Variants in TMEM9 observed in about 807,000 individuals in gnomAD.
TMEM9 encodes transmembrane protein 9.
A neutral mutation model predicts 22.8 loss-of-function variants in TMEM9; 13 were observed. That is an observed-to-expected ratio of 0.57 (90% CI 0.37 to 0.91). TMEM9 has a LOEUF of 0.91. Ranked by LOEUF, TMEM9 falls within the 40% of genes least tolerant of loss-of-function variation. TMEM9 has a pLI of 0.01. For synonymous variants in TMEM9, 88 were observed against 93.0 expected (o/e 0.95, Z 0.31); for missense variants, 182 against 238.1 (o/e 0.76, Z 1.55).
chr1:201,150,600 G>C (rs12065294), intron 2 of TMEM9, among the ~76,000 whole-genome samples: 1 of 152,130 alleles, frequency 6.6e-6, no homozygotes, highest in Non-Finnish European at 1.5e-5. Flanking sequence ...CAGGAAGGTG[G>C]AACACAGAGT....
upstream of TMEM9, among the ~76,000 whole-genome samples, chr1:201,154,899 T>C (rs1665734987): frequency 1.3e-5 from 2 of 152,110 alleles, no homozygotes; most frequent in African/African-American, 2.4e-5. Context: ...CGCGGCAACG[T>C]CTCTACCCCT....
intron 1 of TMEM9, among the ~76,000 whole-genome samples, chr1:201,169,972 C>T (rs780375117): frequency 6.6e-6 from 1 of 152,152 alleles, no homozygotes; most frequent in Non-Finnish European, 1.5e-5. Flanking sequence ...TCAGCTGTGA[C>T]TCCTGCAGTT....
intron 4 of TMEM9, among the ~76,000 whole-genome samples, chr1:201,136,636 A>C (rs548538440): frequency 6.6e-6 from 1 of 152,180 alleles, no homozygotes; most frequent in African/African-American, 2.4e-5. Context: ...CTTTGCTTTC[A>C]GAACTGTTGC....
At chr1:201,136,144 G>A (rs1385223761) in intron 4 of TMEM9, among the ~76,000 whole-genome samples, 1 of 152,186 alleles carries the variant, frequency 6.6e-6, no homozygotes, top group Non-Finnish European at 1.5e-5. Context: ...CTCAAGGGAG[G>A]TTCCCAGCCT....
chr1:201,142,693 AAC>A (rs1442604622), intron 4 of TMEM9, among the ~76,000 whole-genome samples: 1 of 152,226 alleles, frequency 6.6e-6, no homozygotes, highest in Non-Finnish European at 1.5e-5. Flanking sequence ...TCAGTCAATA[AAC>A]AGGAGTATCT....
At position 201,153,873 on chromosome 1, in the gene TMEM9, T is replaced by C. The variant is rs764532125; in HGVS notation, c.51A>G (p.Pro17=). Reference sequence around the variant, plus strand: ...CCTCCCTCACCTTGTTGGCTTCAGCTGGGGGCACCAGCAAACACCCGACCA... The same window carrying C: ...CCTCCCTCACCTTGTTGGCTTCAGCCGGGGGCACCAGCAAACACCCGACCA... ...VAVVGCLLVP[P]AEANKSSEDI... is the part of the protein sequence containing the mutation. Residue 17 remains proline, a synonymous_variant, in exon 1 of 5, where the codon CCA becomes CCG. Transcript: ENST00000367330. 1.9e-6 allele frequency: 3 copies of C among 1,613,990 alleles called. No homozygotes were observed. The highest frequency in any genetic ancestry group is 1.7e-6 in the Non-Finnish European group (2 of 1,180,006).
chr1:201,135,530 A>T lies in TMEM9; in HGVS notation c.*133T>A. 1.1e-6 allele frequency: 1 copy of T among 903,130 alleles called. No homozygotes were observed. Among genetic ancestry groups the T allele is most frequent in the Non-Finnish European group, 1.6e-6 (1 of 623,640 alleles). The allele number at this position is 903,130 out of a possible 1,614,324, so 55.9% of individuals were successfully genotyped here. ...GTACAACATTTCTAAAGTTAGGGAG[A>T]AGGAGGAAAAATGCCACAGGCTTTT... On this transcript the variant is annotated 3_prime_UTR_variant, in exon 5 of 5. Coordinates refer to ENST00000367330, the MANE Select transcript of TMEM9 (RefSeq NM_001288565.2).
exon 1 of TMEM9, chr1:201,171,499 C>G (rs1478143502): frequency 1.3e-5 from 2 of 152,216 alleles, no homozygotes; most frequent in Admixed American, 6.5e-5. Context: ...CCTCACATTG[C>G]AGTCATAGAG....
At chr1:201,169,941 G>C (rs888622864) in intron 1 of TMEM9, among the ~76,000 whole-genome samples, 6 of 152,102 alleles carry the variant, frequency 3.9e-5, no homozygotes, top group African/African-American at 1.4e-4. Flanking sequence ...GAAGCTAGGT[G>C]GTGTTACATA....
upstream of TMEM9, chr1:201,154,562 C>T (rs1219539166): frequency 6.6e-6 from 1 of 152,328 alleles, no homozygotes; most frequent in Non-Finnish European, 1.5e-5. Context: ...CAAGACCCGC[C>T]TTCACCTGGG....
At chr1:201,146,870 C>G in intron 2 of TMEM9, 22 bp from the exon 3 acceptor site, 2 of 1,611,060 alleles carry the variant, frequency 1.2e-6, no homozygotes, top group Non-Finnish European at 1.7e-6. Context: ...AGAGACAGGG[C>G]TGTCGAGGCA....
At chr1:201,163,592 A>AAAATAGAAGT in intron 1 of TMEM9, among the ~76,000 whole-genome samples, 1 of 152,326 alleles carries the variant, frequency 6.6e-6, no homozygotes, top group South Asian at 2.1e-4. Context: ...TACGTCTCAA[A>AAAATAGAAGT]AAATAGAAGT....
At chr1:201,136,127 C>A (rs1663962352) in intron 4 of TMEM9, among the ~76,000 whole-genome samples, 1 of 152,210 alleles carries the variant, frequency 6.6e-6, no homozygotes, top group African/African-American at 2.4e-5. Flanking sequence ...TACTGCCACA[C>A]AGCTAGCTCA....
chr1:201,144,065 T>G, intron 3 of TMEM9, 114 bp from the exon 4 acceptor site: 1 of 1,242,976 alleles, frequency 8.0e-7, no homozygotes, highest in Non-Finnish European at 1.1e-6. Flanking sequence ...AGTGGTGCAC[T>G]AAGAAAGGAC....
rs373182817 is a variant in TMEM9, at chr1:201,151,755, C to T, written c.158+6G>A. 38 of 1,611,578 alleles carry T rather than the reference C, an allele frequency of 2.4e-5. No individual in the cohort carries two copies. The Middle Eastern group carries it at 1.0e-3, about 43-fold the overall frequency. On this transcript the variant is annotated splice_donor_region_variant and intron_variant, in intron 2 of 4. Transcript: ENST00000367330. Reference sequence around the variant, plus strand: ...AGCAGCCAGGGGCCTGCGTGTAATGCCTTACCAGTCCTTCTGGGATACATT... The same window carrying T: ...AGCAGCCAGGGGCCTGCGTGTAATGTCTTACCAGTCCTTCTGGGATACATT...
chr1:201,160,732 C>T (rs1289808954), intron 1 of TMEM9, among the ~76,000 whole-genome samples: 2 of 151,842 alleles, frequency 1.3e-5, no homozygotes, highest in Admixed American at 6.6e-5. Context: ...GTCAGGAGAT[C>T]GAGAACATCC....
chr1:201,146,600 T>G, intron 3 of TMEM9, 140 bp downstream of exon 3: 1 of 882,842 alleles, frequency 1.1e-6, no homozygotes, highest in South Asian at 1.4e-5. Context: ...TCCCAGTGTC[T>G]GCACTAGGCC....
At chr1:201,162,535 GAAA>G (rs34818227) in intron 1 of TMEM9, among the ~76,000 whole-genome samples, 69 of 114,964 alleles carry the variant, frequency 6.0e-4, no homozygotes, top group African/African-American at 2.1e-3. Flanking sequence ...CATACATAGG[GAAA>G]AAAAAAAAAA....
rs1189415492 is a variant in TMEM9, at chr1:201,135,775, C to A, written c.440G>T (p.Gly147Val). 1 of 1,612,622 alleles carries A rather than the reference C, an allele frequency of 6.2e-7. No individual in the cohort carries two copies. The highest frequency in any genetic ancestry group is 8.5e-7 in the Non-Finnish European group (1 of 1,179,374). Reference sequence around the variant, plus strand: ...CTCCAGGACTGTGTTTGCTCGGGGTCCCCCGAGGGATGCAGCAGCTGCTGC... The same window carrying A: ...CTCCAGGACTGTGTTTGCTCGGGGTACCCCGAGGGATGCAGCAGCTGCTGC... The part of the protein sequence containing the change: ...SMAAAAASLG[G>V]PRANTVLERV... The change falls in exon 5 of 5, where the codon GGA becomes GTA. Residue 147 changes from glycine to valine, a missense_variant. Coordinates refer to ENST00000367330, the MANE Select transcript of TMEM9 (RefSeq NM_001288565.2).
Sources: allele counts gnomAD v4.1 joint callset (sites outside exome capture counted in the v4.1 genomes callset), GRCh38; gene constraint gnomAD v4.1.1; transcripts MANE v1.5; gene names NCBI Gene and HGNC (gene_info 2026-07-23, HGNC 2026-07-21).